The following PTCHD4 variants were observed in gnomAD, a reference collection of about 807,000 sequenced individuals.
The protein encoded by PTCHD4 is patched domain-containing protein 4.
A neutral mutation model predicts 58.1 loss-of-function variants in PTCHD4; 33 were observed. The ratio of observed to expected loss-of-function variants is 0.57; its 90% CI spans 0.43 to 0.76. The LOEUF is 0.76. Among genes scored for constraint, PTCHD4 ranks in the 30% least tolerant of loss-of-function variants. The pLI, the probability that PTCHD4 is intolerant of heterozygous loss-of-function variation, is 0.00. For synonymous variants in PTCHD4, 478 were observed against 409.6 expected, an observed-to-expected ratio of 1.17 and a Z score of -2.02; for missense variants, 1,058 against 1,027.1, an observed-to-expected ratio of 1.03 and a Z score of -0.41.
At chr6:47,908,226 T>C (rs757769871) in intron 4 of PTCHD4, among the ~76,000 whole-genome samples, 20 of 152,080 alleles carry the variant, frequency 1.3e-4, no homozygotes, top group Non-Finnish European at 1.3e-4. Context: ...AAAAGAAAAC[T>C]AGGATCTATA....
Position 48,071,267 on chromosome 6 carries a change from A to C in PTCHD4, c.-969-1341T>G, listed in dbSNP as rs1276198868. On this transcript the variant is annotated intron_variant, in intron 1 of 4. Coordinates refer to ENST00000339488, the MANE Select transcript of PTCHD4 (RefSeq NM_001384253.1). ...TTAATAGAATTAGGGAAGAATAAAG[A>C]TACCAATGTATAATTGACTAAATAA... 2.0e-5 allele frequency among the ~76,000 whole-genome samples: 3 copies of C among 152,360 alleles called. No individual in the cohort carries two copies. In the East Asian group the frequency reaches 5.8e-4, roughly 29 times the overall value.
chr6:47,964,996 G>A (rs754739932), intron 4 of PTCHD4, among the ~76,000 whole-genome samples: 6 of 151,952 alleles, frequency 3.9e-5, no homozygotes, highest in Non-Finnish European at 8.8e-5. Context: ...ATTGATAACT[G>A]CCATTACGTA....
chr6:48,009,284 T>C lies in PTCHD4; in HGVS notation c.418-170A>G, dbSNP rs73736818. 5.8e-3 allele frequency among the ~76,000 whole-genome samples: 877 copies of C among 152,308 alleles called. 6 individuals are homozygous for C. Among genetic ancestry groups the C allele is most frequent in the African/African-American group, 0.02 (844 of 41,560 alleles). The stretch of plus-strand genomic sequence containing the variant: ...TTTATATTCAACATTTGGAGCTACA[T>C]GGGATACCATGTATGATGATCAAGG... On this transcript the variant is annotated intron_variant, in intron 3 of 4. Transcript: ENST00000339488.
chr6:48,044,822 T>C (rs117541918), intron 3 of PTCHD4, among the ~76,000 whole-genome samples: 2 of 151,942 alleles, frequency 1.3e-5, no homozygotes, highest in East Asian at 3.9e-4. Flanking sequence ...TTCCAAATAA[T>C]GAAGTCCTCA....
At chr6:47,937,907 C>A (rs889221306) in intron 4 of PTCHD4, among the ~76,000 whole-genome samples, 7 of 152,130 alleles carry the variant, frequency 4.6e-5, no homozygotes, top group Non-Finnish European at 1.0e-4. Flanking sequence ...AATCCCAGCA[C>A]TTTGGGAGGT....
At chr6:47,937,060 C>T (rs924594869) in intron 4 of PTCHD4, among the ~76,000 whole-genome samples, 3 of 152,148 alleles carry the variant, frequency 2.0e-5, no homozygotes, top group Non-Finnish European at 2.9e-5. Flanking sequence ...CAGAAGGAAT[C>T]GTAAGAAAGG....
At chr6:47,960,792 A>G (rs1487363670) in intron 4 of PTCHD4, among the ~76,000 whole-genome samples, 1 of 151,984 alleles carries the variant, frequency 6.6e-6, no homozygotes, top group Non-Finnish European at 1.5e-5. Context: ...TTCAAAATAT[A>G]TGAAAGAAAA....
chr6:47,946,954 CCACTTCAG>C (rs1766443637), intron 4 of PTCHD4, among the ~76,000 whole-genome samples: 1 of 152,056 alleles, frequency 6.6e-6, no homozygotes, highest in African/African-American at 2.4e-5. Flanking sequence ...AGAAATCCTC[CCACTTCAG>C]CCCCCTGAGG....
intron 3 of PTCHD4, among the ~76,000 whole-genome samples, chr6:48,052,601 G>A (rs542867208): frequency 6.6e-6 from 1 of 152,118 alleles, no homozygotes; most frequent in East Asian, 1.9e-4. Context: ...ACTCTTTGGA[G>A]GTGTGTTAGA....
chr6:47,905,853 C>A (rs993979694), intron 4 of PTCHD4, among the ~76,000 whole-genome samples: 1 of 152,196 alleles, frequency 6.6e-6, no homozygotes, highest in African/African-American at 2.4e-5. Context: ...TGCTACCAGT[C>A]GGCCTATGGC....
At chr6:48,106,641 A>T (rs1212045086) in intron 1 of PTCHD4, among the ~76,000 whole-genome samples, 4 of 152,210 alleles carry the variant, frequency 2.6e-5, no homozygotes, top group Non-Finnish European at 5.9e-5. Flanking sequence ...GCATTCAATT[A>T]GGAAAAGAGG....
intron 4 of PTCHD4, among the ~76,000 whole-genome samples, chr6:47,910,947 A>G (rs1377493676): frequency 6.6e-6 from 1 of 152,162 alleles, no homozygotes; most frequent in Non-Finnish European, 1.5e-5. Flanking sequence ...CAAAATTGGC[A>G]AAGCACATCT....
rs1764927736 is a variant in PTCHD4 at position 48,069,365 on chromosome 6, A to AGGGAGACAGCCCCAGGGCTCC, written c.-429_-409dup. 6.6e-6 allele frequency among the ~76,000 whole-genome samples: 1 copy of AGGGAGACAGCCCCAGGGCTCC among 152,086 alleles called. No homozygotes were observed. Among genetic ancestry groups the AGGGAGACAGCCCCAGGGCTCC allele is most frequent in the Non-Finnish European group, 1.5e-5 (1 of 67,992 alleles). Reference sequence around the variant, plus strand: ...TTAGAGCCCAAGGAGTGGGGCATGGAGGGAGACAGCCCCAGGGCTCCAGGA... The same window carrying AGGGAGACAGCCCCAGGGCTCC: ...TTAGAGCCCAAGGAGTGGGGCATGGAGGGAGACAGCCCCAGGGCTCCGGGAGACAGCCCCAGGGCTCCAGGA... On this transcript the variant is annotated 5_prime_UTR_variant, in exon 2 of 5. Transcript: ENST00000339488.
rs113680718 is a variant in PTCHD4, at chr6:47,993,168, A to T, written c.898+15466T>A. ...ACTACTTTTAGCTTAAACTAAGTAA[A>T]TGAAAAAAATAGCCACCATGACCTA... On this transcript the variant is annotated intron_variant, in intron 4 of 4. Transcript: ENST00000339488. 7.4e-3 allele frequency among the ~76,000 whole-genome samples: 1,129 copies of T among 152,342 alleles called. 13 individuals carry two copies. Among genetic ancestry groups the T allele is most frequent in the African/African-American group, 0.026 (1,066 of 41,568 alleles).
At chr6:47,937,879 G>A (rs1050473268) in intron 4 of PTCHD4, among the ~76,000 whole-genome samples, 5 of 152,114 alleles carry the variant, frequency 3.3e-5, no homozygotes, top group Admixed American at 3.3e-4. Flanking sequence ...TTGGCTGGGC[G>A]GGTTGGCTCA....
chr6:48,057,642 T>G (rs988444018), intron 3 of PTCHD4, among the ~76,000 whole-genome samples: 1 of 152,180 alleles, frequency 6.6e-6, no homozygotes, highest in Non-Finnish European at 1.5e-5. Flanking sequence ...ATTTTGACTG[T>G]GCAATAAATT....
chr6:48,080,163 A>C (rs971502747), intron 1 of PTCHD4, among the ~76,000 whole-genome samples: 2 of 152,102 alleles, frequency 1.3e-5, no homozygotes, highest in Admixed American at 6.5e-5. Context: ...AAAAACTCAG[A>C]CTATGTTTGA....
At chr6:47,932,823 T>C (rs2113908563) in intron 4 of PTCHD4, among the ~76,000 whole-genome samples, 2 of 152,340 alleles carry the variant, frequency 1.3e-5, no homozygotes, top group Non-Finnish European at 2.9e-5. Flanking sequence ...TTGGACAAAT[T>C]ACTTCATTTC....
At chr6:47,957,570 C>A (rs997009195) in intron 4 of PTCHD4, among the ~76,000 whole-genome samples, 1 of 24,798 alleles carries the variant, frequency 4.0e-5, no homozygotes, top group East Asian at 1.7e-3. Context: ...AAATACAAGA[C>A]AAGTTTTTTT....
Sources: allele counts gnomAD v4.1 joint callset (sites outside exome capture counted in the v4.1 genomes callset), GRCh38; gene constraint gnomAD v4.1.1; transcripts MANE v1.5; gene names NCBI Gene and HGNC (gene_info 2026-07-23, HGNC 2026-07-21).